Variants in SPATA3 observed in about 807,000 individuals in gnomAD.
SPATA3 encodes the protein spermatogenesis associated 3.
SPATA3 carries 6 observed loss-of-function variants against 5.7 expected under a neutral mutation model. The observed-to-expected ratio is 1.06, with a 90% CI of 0.58 to 2.09. SPATA3 has a LOEUF of 2.09. SPATA3 is among the 30% of genes most tolerant of loss of function. The pLI is 0.00. For missense variants in SPATA3, 155 were observed against 130.4 expected, an observed-to-expected ratio of 1.19 and a Z score of -0.92; for synonymous variants, 44 against 48.4, an observed-to-expected ratio of 0.91 and a Z score of 0.37.
At chr2:230,996,966 T>C (rs1219883462) in intron 1 of SPATA3, among the ~76,000 whole-genome samples, 1 of 152,202 alleles carries the variant, frequency 6.6e-6, no homozygotes, top group Non-Finnish European at 1.5e-5. Context: ...CCAAGGAAGA[T>C]AGTCTGGGTT....
chr2:230,999,569 A>G (rs1190095521), intron 1 of SPATA3: 1 of 154,466 alleles, frequency 6.5e-6, no homozygotes, highest in Non-Finnish European at 1.5e-5. Flanking sequence ...AGCTCTGTCA[A>G]GAAGACGCAG....
intron 6 of SPATA3, among the ~76,000 whole-genome samples, chr2:231,017,350 C>G (rs1478531665): frequency 6.6e-6 from 1 of 152,222 alleles, no homozygotes; most frequent in Non-Finnish European, 1.5e-5. Flanking sequence ...GATGGCAGAG[C>G]CTGGCACAGA....
At chr2:230,999,240 A>G (rs1262113104) in intron 1 of SPATA3, among the ~76,000 whole-genome samples, 1 of 152,052 alleles carries the variant, frequency 6.6e-6, no homozygotes, top group African/African-American at 2.4e-5. Flanking sequence ...GAAATGGGAG[A>G]GTGGGGAGTA....
intron 1 of SPATA3, chr2:230,996,329 CCCTGAATCCACACCACAGCAGCCTAGT>C (rs759385913): frequency 1.2e-4 from 43 of 350,200 alleles, no homozygotes; most frequent in South Asian, 2.2e-4. Context: ...AGCAGCCTAG[CCCTGAATCCACACCACAGCAGCCTAGT>C]CCTGAATCCA....
At chr2:231,019,081 C>A (rs1693008769) in intron 6 of SPATA3, among the ~76,000 whole-genome samples, 1 of 150,730 alleles carries the variant, frequency 6.6e-6, no homozygotes, top group African/African-American at 2.4e-5. Flanking sequence ...ATTCTCCTGC[C>A]TCAGCCCCCT....
chr2:231,002,639 T>C (rs768687233), intron 2 of SPATA3, 45 bp from the exon 3 acceptor site: 22 of 1,294,814 alleles, frequency 1.7e-5, no homozygotes, highest in South Asian at 1.6e-4. Flanking sequence ...AGAGAGGCAC[T>C]GAAGCCCAGC....
downstream of SPATA3, among the ~76,000 whole-genome samples, chr2:231,005,406 CCAGTATCAGCAT>C (rs1692564430): frequency 2.2e-5 from 1 of 44,820 alleles, no homozygotes; most frequent in African/African-American, 8.4e-5. Context: ...ACCACCACCA[CCAGTATCAGCAT>C]CATCACCACC....
rs201059638 is a variant in SPATA3, at chr2:230,996,515, C to T, written c.791-3851C>T. 3.0e-4 allele frequency: 462 copies of T among 1,551,908 alleles called. 2 individuals carry two copies. The highest frequency in any genetic ancestry group is 2.5e-3 in the South Asian group (207 of 84,058). The stretch of plus-strand genomic sequence containing the variant: ...CTCCAGATGCTAACGTGAAGGCAGC[C>T]CCTCAATCCAGGAAAGCAGGTGGGC... On this transcript the variant is annotated intron_variant, in intron 1 of 2. Coordinates refer to ENST00000645363, the Ensembl canonical transcript of SPATA3.
intron 1 of SPATA3, chr2:230,999,771 C>G (rs942705684): frequency 5.3e-5 from 9 of 169,124 alleles, no homozygotes; most frequent in Non-Finnish European, 1.0e-4. Context: ...TGGAACGTGG[C>G]AGCTCCAATT....
At chr2:231,008,745 G>C (rs1315539812), downstream of SPATA3, among the ~76,000 whole-genome samples, 3 of 152,186 alleles carry the variant, frequency 2.0e-5, no homozygotes, top group Non-Finnish European at 2.9e-5. Flanking sequence ...GTAAATGTTG[G>C]ACAACCTAAC....
chr2:231,011,097 A>AGG (rs1692775407), downstream of SPATA3, among the ~76,000 whole-genome samples: 1 of 140,412 alleles, frequency 7.1e-6, no homozygotes, highest in African/African-American at 2.9e-5. Flanking sequence ...AAAGAAAAGA[A>AGG]AAAGAAAGCC....
downstream of SPATA3, among the ~76,000 whole-genome samples, chr2:231,008,022 T>TA (rs1195299987): frequency 6.6e-6 from 1 of 151,320 alleles, no homozygotes; most frequent in South Asian, 2.1e-4. Context: ...AAAATAAAAA[T>TA]AAAAAAAAGG....
At chr2:231,012,259 C>T (rs551137450), downstream of SPATA3, among the ~76,000 whole-genome samples, 9 of 152,166 alleles carry the variant, frequency 5.9e-5, no homozygotes, top group Non-Finnish European at 1.2e-4. Flanking sequence ...TTCAGGTCTG[C>T]GGGTGTCTGA....
chr2:231,003,198 C>T, downstream of SPATA3, among the ~76,000 whole-genome samples: 1 of 152,222 alleles, frequency 6.6e-6, no homozygotes, highest in East Asian at 1.9e-4. Flanking sequence ...CCCCTTCTTC[C>T]ATGAAACCTT....
chr2:231,012,020 A>C (rs1385455186), downstream of SPATA3, among the ~76,000 whole-genome samples: 1 of 152,228 alleles, frequency 6.6e-6, no homozygotes, highest in Non-Finnish European at 1.5e-5. Context: ...TCCGGTCCTA[A>C]GCCAGGAGGA....
chr2:231,019,525 C>T (rs531157069), intron 6 of SPATA3, among the ~76,000 whole-genome samples: 8 of 150,402 alleles, frequency 5.3e-5, no homozygotes, highest in South Asian at 4.2e-4. Context: ...GGGGTTTCAC[C>T]GTGTTAGCCG....
intron 2 of SPATA3, among the ~76,000 whole-genome samples, chr2:231,001,909 A>G (rs543637792): frequency 6.6e-6 from 1 of 152,330 alleles, no homozygotes; most frequent in East Asian, 1.9e-4. Flanking sequence ...GGAACCTCTG[A>G]AAGGTTCCTG....
chr2:231,008,324 G>C (rs920615328), downstream of SPATA3, among the ~76,000 whole-genome samples: 1 of 152,216 alleles, frequency 6.6e-6, no homozygotes, highest in Non-Finnish European at 1.5e-5. Flanking sequence ...CAGCCCGCAT[G>C]CACTGGAACG....
chr2:231,011,858 G>A (rs1960253), downstream of SPATA3, among the ~76,000 whole-genome samples: 116,609 of 152,150 alleles, frequency 0.77, 45,062 homozygotes, highest in African/African-American at 0.86. Flanking sequence ...CTCTGGCTTC[G>A]CTGGGAAACT....
Sources: allele counts gnomAD v4.1 joint callset (sites outside exome capture counted in the v4.1 genomes callset), GRCh38; gene constraint gnomAD v4.1.1; transcripts MANE v1.5; gene names NCBI Gene and HGNC (gene_info 2026-07-23, HGNC 2026-07-21).